Variants in SUGCT observed in about 807,000 individuals in gnomAD.
The protein encoded by SUGCT is succinyl-CoA:glutarate-CoA transferase.
In SUGCT, 41 loss-of-function variants were observed where a neutral mutation model predicts 55.0. The ratio of observed to expected loss-of-function variants is 0.74; its 90% CI spans 0.58 to 0.97. SUGCT has a LOEUF of 0.97. SUGCT is among the 50% of genes least tolerant of loss of function. SUGCT has a pLI of 0.00. For synonymous variants in SUGCT, 187 were observed against 200.4 expected (o/e 0.93, Z 0.56); for missense variants, 568 against 547.8 (o/e 1.04, Z -0.37).
the SUGCT span, among the ~76,000 whole-genome samples, chr7:40,899,265 A>G: frequency 6.6e-6 from 1 of 152,106 alleles, no homozygotes; most frequent in South Asian, 2.1e-4. Flanking sequence ...TGACTGGCAG[A>G]GGTTCTCTGC....
Position 40,384,937 on chromosome 7 carries a change from G to C in SUGCT, c.817-64350G>C, listed in dbSNP as rs186017652. ...TGAGTCTTGTGGTAAACAAAGATAG[G>C]CTCTTTTCTTGTCCTCAAGGGCCTT... On this transcript the variant is annotated intron_variant, in intron 9 of 13. Coordinates refer to ENST00000335693, the MANE Select transcript of SUGCT (RefSeq NM_001193313.2). Among the ~76,000 whole-genome samples, 100 of 152,232 alleles carry C rather than the reference G, an allele frequency of 6.6e-4. 1 individual carries two copies. The East Asian group carries it at 0.016, about 24-fold the overall frequency.
intron 9 of SUGCT, among the ~76,000 whole-genome samples, chr7:40,411,553 G>A (rs1257691563): frequency 2.6e-5 from 4 of 152,264 alleles, no homozygotes; most frequent in African/African-American, 4.8e-5. Flanking sequence ...ATTGACATGC[G>A]GAAGTTAAAA....
chr7:40,400,749 T>G (rs1786019708), intron 9 of SUGCT, among the ~76,000 whole-genome samples: 1 of 152,198 alleles, frequency 6.6e-6, no homozygotes, highest in Non-Finnish European at 1.5e-5. Context: ...TTATGCATTT[T>G]GCTTACTTTG....
chr7:40,744,923 T>C (rs1309784701), intron 12 of SUGCT, among the ~76,000 whole-genome samples: 1 of 152,240 alleles, frequency 6.6e-6, no homozygotes, highest in Non-Finnish European at 1.5e-5. Flanking sequence ...TACTTGCTCC[T>C]CTTTGGATTT....
chr7:40,658,577 G>A (rs1221826909), intron 12 of SUGCT, among the ~76,000 whole-genome samples: 2 of 152,058 alleles, frequency 1.3e-5, no homozygotes, highest in East Asian at 1.9e-4. Context: ...GGTTACAGGC[G>A]GTAGGGGAAG....
At chr7:40,245,902 G>A (rs1789842099) in intron 7 of SUGCT, among the ~76,000 whole-genome samples, 2 of 151,948 alleles carry the variant, frequency 1.3e-5, no homozygotes, top group South Asian at 4.2e-4. Context: ...GGAGTGCAGT[G>A]GTGCGATTAT....
intron 1 of SUGCT, among the ~76,000 whole-genome samples, chr7:40,137,353 C>T (rs1018427465): frequency 2.0e-5 from 3 of 152,044 alleles, no homozygotes; most frequent in African/African-American, 4.8e-5. Flanking sequence ...CCAGAACTCC[C>T]CACCTCAAGC....
At position 40,860,609 on chromosome 7, in the gene SUGCT, A is replaced by G. The variant is rs549877109; in HGVS notation, c.*130A>G. On this transcript the variant is annotated 3_prime_UTR_variant, in exon 14 of 14. Coordinates refer to ENST00000335693, the MANE Select transcript of SUGCT (RefSeq NM_001193313.2). Reference sequence around the variant, plus strand: ...TTTAGAGTAACTCCAGATTTCTTACATGGCATCTCCAGAATGGCTCTGGTA... The same window carrying G: ...TTTAGAGTAACTCCAGATTTCTTACGTGGCATCTCCAGAATGGCTCTGGTA... The G allele has an allele frequency of 4.0e-4, 377 of 936,374 alleles. 4 individuals are homozygous for G. In the East Asian group the frequency reaches 9.6e-3, roughly 24 times the overall value. 58.0% of individuals were successfully genotyped at this position (936,374 alleles called of 1,614,324 possible). A position where few individuals can be genotyped will look rare whatever the true frequency, so the allele number is the denominator to read the frequency against.
At chr7:40,388,958 T>C (rs750176409) in intron 9 of SUGCT, among the ~76,000 whole-genome samples, 4 of 152,184 alleles carry the variant, frequency 2.6e-5, no homozygotes, top group African/African-American at 4.8e-5. Flanking sequence ...TATTCATTTA[T>C]TGTGAGAAAA....
chr7:41,011,419 C>A, the SUGCT span, among the ~76,000 whole-genome samples: 1 of 152,192 alleles, frequency 6.6e-6, no homozygotes, highest in Admixed American at 6.5e-5. Flanking sequence ...AAGTAATAAT[C>A]TTTGTCTCTT....
intron 12 of SUGCT, among the ~76,000 whole-genome samples, chr7:40,719,590 A>G (rs1302543834): frequency 6.6e-6 from 1 of 152,244 alleles, no homozygotes; most frequent in Non-Finnish European, 1.5e-5. Flanking sequence ...ACTGAAAACC[A>G]GGCAAAAGCC....
At chr7:40,497,113 A>G (rs1792025925) in intron 12 of SUGCT, among the ~76,000 whole-genome samples, 1 of 152,200 alleles carries the variant, frequency 6.6e-6, no homozygotes. Context: ...TCATCCATCG[A>G]TCCCCAAAAG....
At chr7:40,967,850 C>T in the SUGCT span, among the ~76,000 whole-genome samples, 1 of 152,110 alleles carries the variant, frequency 6.6e-6, no homozygotes, top group Non-Finnish European at 1.5e-5. Context: ...TCTCGATCTC[C>T]AACGCAGTGA....
chr7:40,459,812 G>T (rs112244341), intron 11 of SUGCT, among the ~76,000 whole-genome samples: 1 of 151,928 alleles, frequency 6.6e-6, no homozygotes, highest in East Asian at 1.9e-4. Context: ...TTCCATTAAT[G>T]TCAGGTTATT....
intron 8 of SUGCT, among the ~76,000 whole-genome samples, chr7:40,301,422 T>C (rs1047355721): frequency 6.6e-6 from 1 of 152,236 alleles, no homozygotes; most frequent in African/African-American, 2.4e-5. Flanking sequence ...ATTATGTACC[T>C]GTATTCTTTA....
At chr7:40,710,098 C>T (rs1236486628) in intron 12 of SUGCT, among the ~76,000 whole-genome samples, 1 of 152,160 alleles carries the variant, frequency 6.6e-6, no homozygotes, top group African/African-American at 2.4e-5. Flanking sequence ...GGACAGCACC[C>T]AGCTAACTTC....
At chr7:40,719,273 G>C (rs746034557) in intron 12 of SUGCT, among the ~76,000 whole-genome samples, 1 of 152,126 alleles carries the variant, frequency 6.6e-6, no homozygotes, top group Non-Finnish European at 1.5e-5. Flanking sequence ...TCAGTCCTCT[G>C]TATCCTAATC....
chr7:40,363,982 A>G (rs956811658), intron 9 of SUGCT, among the ~76,000 whole-genome samples: 1 of 152,100 alleles, frequency 6.6e-6, no homozygotes, highest in Non-Finnish European at 1.5e-5. Context: ...GACTTGCTTT[A>G]TGAATCTGGG....
Position 40,163,909 on chromosome 7 carries a change from C to T in SUGCT, c.101-17038C>T, listed in dbSNP as rs576829833. ...TGATCTCAGCTCACTGCAGTCTCCA[C>T]GTCCTGGGTTTGAGCAATTCTTCTG... On this transcript the variant is annotated intron_variant, in intron 1 of 13. Transcript: ENST00000335693. Among the ~76,000 whole-genome samples the T allele has an allele frequency of 2.6e-5, 4 of 151,894 alleles. No homozygotes were observed. The East Asian group carries it at 5.9e-4, about 22-fold the overall frequency.
Sources: allele counts gnomAD v4.1 joint callset (sites outside exome capture counted in the v4.1 genomes callset), GRCh38; gene constraint gnomAD v4.1.1; transcripts MANE v1.5; gene names NCBI Gene and HGNC (gene_info 2026-07-23, HGNC 2026-07-21).